The following HIVEP3 variants were observed in gnomAD, a reference collection of about 807,000 sequenced individuals.
HIVEP3 encodes transcription factor HIVEP3.
Under a neutral mutation model 152.8 loss-of-function variants are expected in HIVEP3, and 49 were observed. That is an observed-to-expected ratio of 0.32 (90% CI 0.26 to 0.41). The LOEUF (loss-of-function observed/expected upper bound fraction) is 0.41, where lower values mean the gene tolerates loss of function less well. HIVEP3 is among the 10% of genes least tolerant of loss of function. HIVEP3 has a pLI of 1.00. For synonymous variants in HIVEP3, 1,269 were observed against 1,289.0 expected (o/e 0.98, Z 0.33); for missense variants, 2,790 against 3,103.3 (o/e 0.90, Z 2.40).
At chr1:41,743,112 GTGGGGTA>G (rs139882613) in intron 1 of HIVEP3, among the ~76,000 whole-genome samples, 4,326 of 151,862 alleles carry the variant, frequency 0.028, 216 homozygotes, top group African/African-American at 0.099. Flanking sequence ...AAAGGCTGCG[GTGGGGTA>G]TGGGGTATGG....
chr1:42,005,187 C>T (rs560672026), intron 1 of HIVEP3, among the ~76,000 whole-genome samples: 38 of 152,214 alleles, frequency 2.5e-4, no homozygotes, highest in African/African-American at 8.9e-4. Flanking sequence ...GCTCACTGTT[C>T]CCAAAGTATT....
intron 3 of HIVEP3, among the ~76,000 whole-genome samples, chr1:41,616,164 T>C (rs576965896): frequency 6.6e-6 from 1 of 152,038 alleles, no homozygotes; most frequent in African/African-American, 2.4e-5. Context: ...GTGGAGTCCA[T>C]TTCAGACAGG....
chr1:42,001,686 G>T (rs1645428717), intron 1 of HIVEP3, among the ~76,000 whole-genome samples: 1 of 152,182 alleles, frequency 6.6e-6, no homozygotes. Context: ...TTAAGCTGAG[G>T]TTAATCAGAA....
At chr1:41,838,057 GAC>G (rs1031133583) in intron 1 of HIVEP3, among the ~76,000 whole-genome samples, 1 of 152,146 alleles carries the variant, frequency 6.6e-6, no homozygotes, top group African/African-American at 2.4e-5. Flanking sequence ...CTGCCCCTTT[GAC>G]ACAGATGGCC....
At chr1:41,872,280 G>T (rs757302236) in intron 1 of HIVEP3, among the ~76,000 whole-genome samples, 26 of 152,264 alleles carry the variant, frequency 1.7e-4, no homozygotes, top group Non-Finnish European at 3.2e-4. Context: ...GAAAACGGAA[G>T]TGAGGTACAG....
chr1:41,757,919 T>A (rs1647422968), intron 1 of HIVEP3, among the ~76,000 whole-genome samples: 1 of 151,894 alleles, frequency 6.6e-6, no homozygotes, highest in South Asian at 2.1e-4. Context: ...TCCACATTTG[T>A]CAGGCTGGTC....
intron 4 of HIVEP3, 36 bp downstream of exon 4, chr1:41,579,701 A>T: frequency 6.6e-7 from 1 of 1,515,016 alleles, no homozygotes; most frequent in Non-Finnish European, 8.8e-7. Flanking sequence ...TGCTTTTGCA[A>T]ATCAGTGATG....
chr1:41,687,013 G>A (rs1421572229), intron 2 of HIVEP3, among the ~76,000 whole-genome samples: 2 of 152,150 alleles, frequency 1.3e-5, no homozygotes, highest in African/African-American at 2.4e-5. Flanking sequence ...AAGGGAACAC[G>A]GAATGGGGGT....
At chr1:41,867,173 G>A (rs1162874148) in intron 1 of HIVEP3, among the ~76,000 whole-genome samples, 2 of 152,082 alleles carry the variant, frequency 1.3e-5, no homozygotes, top group Non-Finnish European at 2.9e-5. Context: ...TTCTGCAGTG[G>A]GCATTTCTAG....
At chr1:41,566,883 T>C (rs1644172289) in intron 5 of HIVEP3, among the ~76,000 whole-genome samples, 1 of 152,088 alleles carries the variant, frequency 6.6e-6, no homozygotes, top group African/African-American at 2.4e-5. Flanking sequence ...CAGTCCTGGA[T>C]GCCTTTTTCT....
rs548869573 is a variant in HIVEP3 at position 41,734,368 on chromosome 1, C to G, written c.-800-33373G>C. Among the ~76,000 whole-genome samples, 5 of 152,348 alleles carry G rather than the reference C, an allele frequency of 3.3e-5. No individual in the cohort carries two copies. The South Asian group carries it at 1.0e-3, about 32-fold the overall frequency. ...ACCAGCTGGCACGCACATGGCCCAG[C>G]GTTTGGCCCAGGGAAGGCGAGAGAT... On this transcript the variant is annotated intron_variant, in intron 1 of 8. Coordinates refer to ENST00000372583, the MANE Select transcript of HIVEP3 (RefSeq NM_024503.5).
intron 2 of HIVEP3, among the ~76,000 whole-genome samples, chr1:41,643,334 C>T (rs761411146): frequency 3.3e-5 from 5 of 152,200 alleles, no homozygotes; most frequent in Admixed American, 6.5e-5. Flanking sequence ...CACTGTCCAG[C>T]GACATTTATT....
chr1:41,661,308 T>G (rs1275880607), intron 2 of HIVEP3, among the ~76,000 whole-genome samples: 1 of 152,218 alleles, frequency 6.6e-6, no homozygotes, highest in Non-Finnish European at 1.5e-5. Context: ...CAGAGATCCC[T>G]GCAAGATGCC....
At chr1:41,766,541 T>G (rs1486874002) in intron 1 of HIVEP3, among the ~76,000 whole-genome samples, 1 of 152,244 alleles carries the variant, frequency 6.6e-6, no homozygotes, top group African/African-American at 2.4e-5. Context: ...AGACAGGCAG[T>G]GCCATTTTCC....
intron 5 of HIVEP3, among the ~76,000 whole-genome samples, chr1:41,527,556 C>T (rs1414742503): frequency 2.1e-5 from 3 of 142,064 alleles, no homozygotes; most frequent in East Asian, 4.4e-4. Context: ...CCCCCACACC[C>T]TCACACTCTT....
chr1:41,739,619 C>T (rs919277472), intron 1 of HIVEP3, among the ~76,000 whole-genome samples: 2 of 152,188 alleles, frequency 1.3e-5, no homozygotes, highest in Non-Finnish European at 2.9e-5. Flanking sequence ...TCTTGGCTTC[C>T]TCAGGCGCTC....
At chr1:41,656,609 A>G (rs1029246118) in intron 2 of HIVEP3, among the ~76,000 whole-genome samples, 4 of 152,238 alleles carry the variant, frequency 2.6e-5, no homozygotes, top group African/African-American at 9.6e-5. Flanking sequence ...CCAAAGCAGC[A>G]ATGCACCAGG....
At position 41,664,242 on chromosome 1, in the gene HIVEP3, C is replaced by G. The variant is rs745554245; in HGVS notation, c.-720-35295G>C. On this transcript the variant is annotated intron_variant, in intron 2 of 8. Coordinates refer to ENST00000372583, the MANE Select transcript of HIVEP3 (RefSeq NM_024503.5). The surrounding 1 kb of genome is among the most constrained non-coding windows in gnomAD (Gnocchi z 4.4). ...CCACTCCTGCCCTGCCCCCACTGTC[C>G]TGCTTCCCGTTTTCTGTCTGAAAGC... Among the ~76,000 whole-genome samples the G allele has an allele frequency of 5.3e-5, 8 of 152,230 alleles. No individual in the cohort carries two copies. Among genetic ancestry groups the G allele is most frequent in the Non-Finnish European group, 1.0e-4 (7 of 68,046 alleles).
intron 1 of HIVEP3, among the ~76,000 whole-genome samples, chr1:42,035,611 G>A (rs1254299883): frequency 6.6e-6 from 1 of 152,060 alleles, no homozygotes; most frequent in African/African-American, 2.4e-5. Flanking sequence ...GCGGAGGCCA[G>A]ACGGGGGACC....
Sources: allele counts gnomAD v4.1 joint callset (sites outside exome capture counted in the v4.1 genomes callset), GRCh38; gene constraint gnomAD v4.1.1; non-coding constraint Gnocchi (gnomAD v3.1); transcripts MANE v1.5; gene names NCBI Gene and HGNC (gene_info 2026-07-23, HGNC 2026-07-21).